GULP1: variants seen among roughly 807,000 people sequenced by gnomAD.
The protein encoded by GULP1 is GULP PTB domain containing engulfment adaptor 1.
GULP1 carries 19 observed loss-of-function variants against 40.9 expected under a neutral mutation model. The ratio of observed to expected loss-of-function variants is 0.46; its 90% CI spans 0.32 to 0.68. GULP1 has a LOEUF of 0.68. Among genes scored for constraint, GULP1 ranks in the 30% least tolerant of loss-of-function variants. GULP1 has a pLI of 0.03. For missense variants in GULP1, 312 were observed against 362.2 expected (o/e 0.86, Z 1.12); for synonymous variants, 119 against 117.6 (o/e 1.01, Z -0.08).
chr2:188,336,438 G>T (rs1340641116), intron 1 of GULP1, among the ~76,000 whole-genome samples: 2 of 152,162 alleles, frequency 1.3e-5, no homozygotes, highest in Non-Finnish European at 2.9e-5. Context: ...TACTGTTCTA[G>T]GTGCTGAAGA....
intron 4 of GULP1, among the ~76,000 whole-genome samples, chr2:188,488,105 C>G (rs74569715): frequency 0.042 from 6,355 of 152,100 alleles, 303 homozygotes; most frequent in African/African-American, 0.11. Flanking sequence ...ATGTTTCAAA[C>G]TTTTAACTAA....
intron 1 of GULP1, among the ~76,000 whole-genome samples, chr2:188,310,173 A>G (rs897394461): frequency 4.6e-5 from 7 of 152,164 alleles, no homozygotes; most frequent in Non-Finnish European, 4.4e-5. Context: ...ACTCTGAGGA[A>G]CCATTCAAGG....
chr2:188,569,947 T>G (rs778606359), intron 8 of GULP1, 81 bp from the exon 9 acceptor site: 11 of 604,780 alleles, frequency 1.8e-5, no homozygotes, highest in Non-Finnish European at 2.6e-5. Context: ...TTACGTAATA[T>G]AAATTCCTAC....
chr2:188,323,644 G>A (rs1272668506), intron 1 of GULP1, among the ~76,000 whole-genome samples: 1 of 120,416 alleles, frequency 8.3e-6, no homozygotes, highest in Non-Finnish European at 1.7e-5. Context: ...GGAGATATCT[G>A]AAGATATGTG....
intron 2 of GULP1, among the ~76,000 whole-genome samples, chr2:188,421,639 G>GT (rs1246995026): frequency 1.3e-5 from 2 of 152,124 alleles, no homozygotes; most frequent in African/African-American, 4.8e-5. Context: ...TTTTGATCTG[G>GT]TAGAGTGCTA....
chr2:188,389,123 G>A (rs2050183935), intron 2 of GULP1, among the ~76,000 whole-genome samples: 1 of 152,274 alleles, frequency 6.6e-6, no homozygotes, highest in South Asian at 2.1e-4. Flanking sequence ...TTGATGACAG[G>A]CACAGAAATG....
intron 2 of GULP1, among the ~76,000 whole-genome samples, chr2:188,409,695 T>A (rs1215339578): frequency 6.6e-6 from 1 of 152,080 alleles, no homozygotes; most frequent in East Asian, 1.9e-4. Context: ...TGTACATGGA[T>A]GTAAAAATTC....
chr2:188,421,299 C>T (rs2055373093), intron 2 of GULP1, among the ~76,000 whole-genome samples: 1 of 151,870 alleles, frequency 6.6e-6, no homozygotes, highest in African/African-American at 2.4e-5. Flanking sequence ...TAAATTAGAC[C>T]TATGCCTGTA....
chr2:188,542,352 C>T (rs78737631), intron 7 of GULP1, among the ~76,000 whole-genome samples: 5,956 of 152,054 alleles, frequency 0.039, 268 homozygotes, highest in African/African-American at 0.1. Flanking sequence ...ATTATTATCA[C>T]TGTTATGTCA....
At chr2:188,454,067 G>A (rs1446469428) in intron 2 of GULP1, among the ~76,000 whole-genome samples, 3 of 152,192 alleles carry the variant, frequency 2.0e-5, no homozygotes, top group African/African-American at 7.2e-5. Flanking sequence ...TCAGGCCCAG[G>A]CCTGCCGCTG....
chr2:188,325,803 A>G (rs2040677132), intron 1 of GULP1, among the ~76,000 whole-genome samples: 1 of 152,134 alleles, frequency 6.6e-6, no homozygotes, highest in Non-Finnish European at 1.5e-5. Flanking sequence ...ACTTTTATGT[A>G]AAGGTGAATT....
chr2:188,460,596 A>C (rs906604614), intron 2 of GULP1, among the ~76,000 whole-genome samples: 1 of 152,142 alleles, frequency 6.6e-6, no homozygotes, highest in Non-Finnish European at 1.5e-5. Context: ...TCATCTGCAA[A>C]TAAAAATAGT....
chr2:188,494,192 T>C (rs1279750702), intron 4 of GULP1, among the ~76,000 whole-genome samples: 2 of 151,888 alleles, frequency 1.3e-5, no homozygotes, highest in Non-Finnish European at 2.9e-5. Context: ...ACAAATACCA[T>C]TAAAAAAACA....
chr2:188,381,714 C>G (rs569436623), intron 1 of GULP1, among the ~76,000 whole-genome samples: 1 of 152,096 alleles, frequency 6.6e-6, no homozygotes, highest in East Asian at 1.9e-4. Flanking sequence ...TCATTTAAGA[C>G]CAACAAACAA....
At chr2:188,380,256 TG>T (rs1321926582) in intron 1 of GULP1, among the ~76,000 whole-genome samples, 2 of 152,046 alleles carry the variant, frequency 1.3e-5, no homozygotes, top group Non-Finnish European at 2.9e-5. Context: ...GCTTGGAACA[TG>T]GGGTGAAAAC....
intron 1 of GULP1, among the ~76,000 whole-genome samples, chr2:188,344,314 G>A (rs2043341186): frequency 2.0e-5 from 3 of 152,206 alleles, no homozygotes; most frequent in African/African-American, 7.2e-5. Flanking sequence ...ACCTATGAGT[G>A]TGCAGATAGC....
chr2:188,343,165 A>G (rs1042843746), intron 1 of GULP1, among the ~76,000 whole-genome samples: 2 of 152,040 alleles, frequency 1.3e-5, no homozygotes, highest in African/African-American at 4.8e-5. Flanking sequence ...TACAGAGTGG[A>G]ATAGGAAAAA....
intron 2 of GULP1, among the ~76,000 whole-genome samples, chr2:188,411,405 A>T (rs2053863118): frequency 6.6e-6 from 1 of 152,074 alleles, no homozygotes; most frequent in Non-Finnish European, 1.5e-5. Context: ...AGACTTGATG[A>T]GTGGAAGTCC....
rs578200359 is a variant in GULP1, at chr2:188,348,996, T to C, written c.-171-34767T>C. 3.9e-5 allele frequency among the ~76,000 whole-genome samples: 6 copies of C among 152,352 alleles called. No individual in the cohort carries two copies. The South Asian group carries it at 1.2e-3, about 32-fold the overall frequency. On this transcript the variant is annotated intron_variant, in intron 1 of 11. Coordinates refer to ENST00000409830, the MANE Select transcript of GULP1 (RefSeq NM_016315.4). ...TATCAAAAAATTGAATATTAAAATC[T>C]ATTTCAAAAAGAAAACTCATTCACA...
Sources: gnomAD v4.1 joint callset for allele counts (sites outside exome capture counted in the v4.1 genomes callset) on GRCh38, gnomAD v4.1.1 for gene constraint, MANE v1.5 for transcripts, NCBI Gene and HGNC (gene_info 2026-07-23, HGNC 2026-07-21) for gene names.